The following KCNMA1 variants were observed in gnomAD, a reference collection of about 807,000 sequenced individuals.
KCNMA1 encodes the protein Calcium-activated potassium channel subunit alpha-1.
A neutral mutation model predicts 140.0 loss-of-function variants in KCNMA1; 29 were observed. The ratio of observed to expected loss-of-function variants is 0.21; its 90% CI spans 0.15 to 0.28. The LOEUF is 0.28. KCNMA1 is among the 10% of genes least tolerant of loss of function. The pLI, the probability that KCNMA1 is intolerant of heterozygous loss-of-function variation, is 1.00. For missense variants in KCNMA1, 880 were observed against 1,602.2 expected, an observed-to-expected ratio of 0.55 and a Z score of 7.70; for synonymous variants, 612 against 611.9, an observed-to-expected ratio of 1.00 and a Z score of 0.00.
At chr10:77,319,875 T>C (rs1224647172) in intron 2 of KCNMA1, among the ~76,000 whole-genome samples, 2 of 152,218 alleles carry the variant, frequency 1.3e-5, no homozygotes, top group South Asian at 4.1e-4. Context: ...GACTGATATA[T>C]ACTGTATTGA....
intron 14 of KCNMA1, among the ~76,000 whole-genome samples, chr10:77,065,601 C>A (rs1303460069): frequency 6.6e-6 from 1 of 151,778 alleles, no homozygotes; most frequent in African/African-American, 2.4e-5. Flanking sequence ...TCAATTCTCC[C>A]AAGAGAATCC....
chr10:76,944,643 AT>A (rs1382904959), intron 23 of KCNMA1, 129 bp downstream of exon 23: 7 of 814,998 alleles, frequency 8.6e-6, no homozygotes, highest in African/African-American at 3.4e-5. Context: ...GAAAGCCATC[AT>A]GGTGACCGCA....
intron 1 of KCNMA1, among the ~76,000 whole-genome samples, chr10:77,604,706 G>A (rs538487708): frequency 6.6e-6 from 1 of 151,614 alleles, no homozygotes; most frequent in East Asian, 2.0e-4. Flanking sequence ...AAAAAAAAGA[G>A]TTGCCTAATT....
At chr10:77,114,410 G>A (rs2097400995) in intron 6 of KCNMA1, among the ~76,000 whole-genome samples, 1 of 152,206 alleles carries the variant, frequency 6.6e-6, no homozygotes, top group Non-Finnish European at 1.5e-5. Context: ...GCTGTCAGCA[G>A]GTCACTTCAC....
chr10:77,600,843 G>C (rs1221313054), intron 1 of KCNMA1, among the ~76,000 whole-genome samples: 2 of 152,096 alleles, frequency 1.3e-5, no homozygotes, highest in African/African-American at 4.8e-5. Context: ...TAGTCAGTAG[G>C]TGACAGCGCC....
chr10:77,001,387 T>C lies in KCNMA1; in HGVS notation c.2266+20A>G, dbSNP rs1030724100. ...CAGACAGCACAAACATGGAACTACG[T>C]GTGTTGAGGTTAAACTTACAGGCAC... On this transcript the variant is annotated intron_variant, in intron 19 of 27. Transcript: ENST00000286628. 5.2e-6 allele frequency: 8 copies of C among 1,547,710 alleles called. No individual in the cohort carries two copies. In the Admixed American group the frequency reaches 9.8e-5, roughly 19 times the overall value.
chr10:77,253,002 T>G (rs1479580042), intron 2 of KCNMA1, among the ~76,000 whole-genome samples: 1 of 152,146 alleles, frequency 6.6e-6, no homozygotes, highest in Non-Finnish European at 1.5e-5. Flanking sequence ...CACATATTCA[T>G]TCATATGTTC....
At chr10:77,186,863 T>C (rs2098864983) in intron 3 of KCNMA1, among the ~76,000 whole-genome samples, 4 of 151,754 alleles carry the variant, frequency 2.6e-5, no homozygotes, top group African/African-American at 9.7e-5. Flanking sequence ...AGGTAACTAC[T>C]GTACTCAGGT....
intron 1 of KCNMA1, among the ~76,000 whole-genome samples, chr10:77,542,269 C>A (rs573308628): frequency 6.6e-6 from 1 of 152,288 alleles, no homozygotes; most frequent in East Asian, 1.9e-4. Flanking sequence ...ATTATATCAA[C>A]CCAAATGGAC....
At chr10:76,968,666 T>C (rs1213567549) in intron 20 of KCNMA1, among the ~76,000 whole-genome samples, 1 of 152,210 alleles carries the variant, frequency 6.6e-6, no homozygotes, top group African/African-American at 2.4e-5. Context: ...TGGCACATTT[T>C]ATTCCTCCTC....
At chr10:77,333,436 A>G (rs571992008) in intron 2 of KCNMA1, among the ~76,000 whole-genome samples, 10 of 151,476 alleles carry the variant, frequency 6.6e-5, no homozygotes, top group Non-Finnish European at 1.2e-4. Context: ...GAAGAAAAGA[A>G]AAGAGAAGAA....
At chr10:77,035,705 T>G (rs1247759) in intron 15 of KCNMA1, among the ~76,000 whole-genome samples, 138,233 of 152,210 alleles carry the variant, frequency 0.91, 62,853 homozygotes, top group Middle Eastern at 0.97. Flanking sequence ...AAATATAACT[T>G]GGATACACAT....
At chr10:77,140,482 A>G (rs2098140190) in intron 5 of KCNMA1, 1 of 152,630 alleles carries the variant, frequency 6.6e-6, no homozygotes, top group African/African-American at 2.4e-5. Context: ...GTGGCGGTAC[A>G]CCAGAATCTT....
intron 1 of KCNMA1, among the ~76,000 whole-genome samples, chr10:77,579,328 T>C (rs1414767508): frequency 1.3e-5 from 2 of 152,202 alleles, no homozygotes; most frequent in East Asian, 3.9e-4. Flanking sequence ...CGAAGAAGCC[T>C]GAATTTTATC....
At chr10:77,218,389 T>C (rs2048479048) in intron 3 of KCNMA1, among the ~76,000 whole-genome samples, 1 of 152,204 alleles carries the variant, frequency 6.6e-6, no homozygotes, top group Admixed American at 6.5e-5. Flanking sequence ...CTTGAATGAA[T>C]AAAAGATCTG....
At chr10:76,932,242 AT>A in intron 23 of KCNMA1, among the ~76,000 whole-genome samples, 1 of 152,052 alleles carries the variant, frequency 6.6e-6, no homozygotes, top group South Asian at 2.1e-4. Flanking sequence ...GATTATCACC[AT>A]TTTTTTCAGC....
chr10:76,966,729 G>A (rs1446108204), intron 20 of KCNMA1, among the ~76,000 whole-genome samples: 1 of 152,110 alleles, frequency 6.6e-6, no homozygotes, highest in Non-Finnish European at 1.5e-5. Flanking sequence ...GGGAAGGAAG[G>A]GAAATAACAG....
chr10:77,304,737 A>G (rs532340575), intron 2 of KCNMA1, among the ~76,000 whole-genome samples: 1 of 152,312 alleles, frequency 6.6e-6, no homozygotes, highest in African/African-American at 2.4e-5. Context: ...CAACCAATTA[A>G]TATTTGCCCA....
At chr10:77,477,519 A>G (rs190754329) in intron 1 of KCNMA1, among the ~76,000 whole-genome samples, 1 of 152,334 alleles carries the variant, frequency 6.6e-6, no homozygotes, top group Admixed American at 6.5e-5. Flanking sequence ...TCTGTGTGGT[A>G]GTGGCTGCCT....
Sources: gnomAD v4.1 joint callset for allele counts (sites outside exome capture counted in the v4.1 genomes callset) on GRCh38, gnomAD v4.1.1 for gene constraint, MANE v1.5 for transcripts, NCBI Gene and HGNC (gene_info 2026-07-23, HGNC 2026-07-21) for gene names.